The following DNAAF4 variants were observed in gnomAD, a reference collection of about 807,000 sequenced individuals.
DNAAF4 encodes dynein assembly factor 4, axonemal.
DNAAF4 carries 43 observed loss-of-function variants against 51.8 expected under a neutral mutation model. The observed-to-expected ratio is 0.83, with a 90% CI of 0.65 to 1.07. DNAAF4 has a LOEUF of 1.07. Among genes scored for constraint, DNAAF4 ranks in the 50% least tolerant of loss-of-function variants. DNAAF4 has a pLI of 0.00. For synonymous variants in DNAAF4, 194 were observed against 165.6 expected (o/e 1.17, Z -1.32); for missense variants, 581 against 493.0 (o/e 1.18, Z -1.69).
chr15:55,501,737 A>C (rs2058700477), intron 1 of DNAAF4, among the ~76,000 whole-genome samples: 1 of 151,884 alleles, frequency 6.6e-6, no homozygotes, highest in Non-Finnish European at 1.5e-5. Flanking sequence ...AAAACGAACT[A>C]AAATTAAGAA....
In DNAAF4 at chr15:55,430,699, CA is replaced by C. The variant is rs1226327026; in HGVS notation, c.1233del (p.Asn411LysfsTer2). On this transcript the variant is annotated frameshift_variant, in exon 10 of 10. Coordinates refer to ENST00000321149, the MANE Select transcript of DNAAF4 (RefSeq NM_130810.4). LOFTEE classifies it high-confidence loss of function. ...IVQIDAEKIR[N>X]VIQGTELKS The stretch of plus-strand genomic sequence containing the variant: ...GATTTTAGTTCTGTTCCTTGAATTA[CA>C]TTCCGAATCTTCTCAGCATCAATTT... 1 of 1,613,108 alleles carries C rather than the reference CA, an allele frequency of 6.2e-7. No homozygotes were observed. The highest frequency in any genetic ancestry group is 8.5e-7 in the Non-Finnish European group (1 of 1,179,490).
chr15:55,426,482 G>T (rs571518325), downstream of DNAAF4, among the ~76,000 whole-genome samples: 4 of 152,280 alleles, frequency 2.6e-5, 1 homozygote, highest in African/African-American at 9.6e-5. Context: ...CAGCTTAAAG[G>T]TTAGAACCAA....
downstream of DNAAF4, among the ~76,000 whole-genome samples, chr15:55,426,787 G>A (rs144358799): frequency 6.6e-6 from 1 of 152,284 alleles, no homozygotes; most frequent in East Asian, 1.9e-4. Flanking sequence ...TACCCAAACA[G>A]GCCCCTTTTA....
At chr15:55,420,136 A>G (rs1191634449) in intron 7 of DNAAF4, among the ~76,000 whole-genome samples, 1 of 152,232 alleles carries the variant, frequency 6.6e-6, no homozygotes, top group Non-Finnish European at 1.5e-5. Context: ...AATTGAGACC[A>G]GAGAGATCAG....
chr15:55,423,879 G>T (rs189452076), intron 7 of DNAAF4, among the ~76,000 whole-genome samples: 1 of 152,210 alleles, frequency 6.6e-6, no homozygotes, highest in South Asian at 2.1e-4. Flanking sequence ...GCCAGAGGTC[G>T]GGAGTTTTGA....
chr15:55,503,296 CA>C (rs1481471816), intron 1 of DNAAF4, among the ~76,000 whole-genome samples: 6 of 151,974 alleles, frequency 3.9e-5, no homozygotes, highest in African/African-American at 1.5e-4. Flanking sequence ...ACCTACCAAC[CA>C]AAAAAAGTCC....
intron 8 of DNAAF4, among the ~76,000 whole-genome samples, chr15:55,434,528 A>G (rs534574744): frequency 6.6e-6 from 1 of 152,258 alleles, no homozygotes; most frequent in South Asian, 2.1e-4. Context: ...TGAGAAAATG[A>G]TTGTAGAGAT....
chr15:55,473,202 T>A (rs865845396), intron 4 of DNAAF4, among the ~76,000 whole-genome samples: 7,982 of 56,560 alleles, frequency 0.14, 1,451 homozygotes, highest in African/African-American at 0.22. Context: ...AAAAAAAATA[T>A]ATATATATAT....
At chr15:55,494,604 G>A (rs2058616358) in intron 3 of DNAAF4, among the ~76,000 whole-genome samples, 2 of 151,892 alleles carry the variant, frequency 1.3e-5, no homozygotes, top group South Asian at 4.2e-4. Flanking sequence ...TAGAGACAGG[G>A]TTTCACCATG....
intron 4 of DNAAF4, among the ~76,000 whole-genome samples, chr15:55,480,908 G>A (rs552008604): frequency 5.3e-5 from 8 of 152,142 alleles, no homozygotes; most frequent in Admixed American, 1.3e-4. Context: ...GTCAAGGGTG[G>A]GACCAGGTGG....
chr15:55,494,458 CTGG>C (rs1383438716), intron 3 of DNAAF4, among the ~76,000 whole-genome samples: 6 of 152,006 alleles, frequency 3.9e-5, no homozygotes, highest in African/African-American at 9.7e-5. Flanking sequence ...GTTGCGCAGG[CTGG>C]AGTGCAGTGG....
intron 5 of DNAAF4, among the ~76,000 whole-genome samples, chr15:55,461,349 G>A (rs767568365): frequency 7.9e-5 from 12 of 151,948 alleles, no homozygotes; most frequent in African/African-American, 1.2e-4. Flanking sequence ...ACCCACCTAG[G>A]CCTCCCAAAG....
intron 3 of DNAAF4, among the ~76,000 whole-genome samples, chr15:55,493,065 G>A (rs933596155): frequency 1.3e-5 from 2 of 152,098 alleles, no homozygotes; most frequent in Admixed American, 6.5e-5. Flanking sequence ...GGCCTTTTGG[G>A]AGGTAGTGTC....
intron 7 of DNAAF4, among the ~76,000 whole-genome samples, chr15:55,424,736 T>C (rs1383839820): frequency 6.6e-6 from 1 of 151,274 alleles, no homozygotes; most frequent in Admixed American, 6.6e-5. Context: ...CTAAGTTTTG[T>C]ATTTTTAGTA....
intron 1 of DNAAF4, among the ~76,000 whole-genome samples, chr15:55,507,708 C>T (rs908801748): frequency 1.1e-4 from 17 of 152,006 alleles, no homozygotes; most frequent in Non-Finnish European, 2.1e-4. Flanking sequence ...AACGAAGGCC[C>T]GGGATGCACA....
intron 4 of DNAAF4, among the ~76,000 whole-genome samples, chr15:55,469,128 C>G (rs1595926679): frequency 6.6e-6 from 1 of 152,046 alleles, no homozygotes; most frequent in Admixed American, 6.6e-5. Flanking sequence ...GTCAGGAGTT[C>G]GAGACCAGCC....
intron 1 of DNAAF4, among the ~76,000 whole-genome samples, chr15:55,504,158 A>G (rs1223575513): frequency 6.6e-6 from 1 of 152,170 alleles, no homozygotes; most frequent in Non-Finnish European, 1.5e-5. Flanking sequence ...TCATGAGTGA[A>G]CTCCCATTCA....
At chr15:55,418,131 T>C in exon 8 of DNAAF4, 1 of 1,575,492 alleles carries the variant, frequency 6.3e-7, no homozygotes, top group Non-Finnish European at 8.6e-7. Flanking sequence ...GAGAACAGAA[T>C]TCCTGAAAAA....
At chr15:55,421,722 A>G (rs2057389657) in intron 7 of DNAAF4, among the ~76,000 whole-genome samples, 1 of 151,240 alleles carries the variant, frequency 6.6e-6, no homozygotes, top group Non-Finnish European at 1.5e-5. Context: ...CCCCATCTCC[A>G]CTAAAAATAC....
Sources: gnomAD v4.1 joint callset for allele counts (sites outside exome capture counted in the v4.1 genomes callset) on GRCh38, gnomAD v4.1.1 for gene constraint, MANE v1.5 for transcripts, NCBI Gene and HGNC (gene_info 2026-07-23, HGNC 2026-07-21) for gene names.